The following YTHDC1 variants were observed in gnomAD, a reference collection of about 807,000 sequenced individuals.
The protein encoded by YTHDC1 is YTH N6-methyladenosine RNA binding protein C1.
Under a neutral mutation model 107.0 loss-of-function variants are expected in YTHDC1, and 12 were observed. The ratio of observed to expected loss-of-function variants is 0.11; its 90% confidence interval spans 0.07 to 0.18. YTHDC1 has a LOEUF of 0.18. Among genes scored for constraint, YTHDC1 ranks in the 10% least tolerant of loss-of-function variants. The pLI, the probability that YTHDC1 is intolerant of heterozygous loss-of-function variation, is 1.00. For synonymous variants in YTHDC1, 280 were observed against 289.5 expected, an observed-to-expected ratio of 0.97 and a Z score of 0.33; for missense variants, 635 against 898.8, an observed-to-expected ratio of 0.71 and a Z score of 3.75.
intron 11 of YTHDC1, among the ~76,000 whole-genome samples, chr4:68,320,529 A>G (rs1578024251): frequency 6.6e-6 from 1 of 151,038 alleles, no homozygotes; most frequent in Middle Eastern, 3.4e-3. Context: ...CTCAAACTAA[A>G]TATCAGTTTT....
In YTHDC1 at chr4:68,311,007, T is replaced by G. The variant is rs542283786; in HGVS notation, c.*3092A>C. On this transcript the variant is annotated 3_prime_UTR_variant, in exon 17 of 17. Coordinates refer to ENST00000344157, the MANE Select transcript of YTHDC1 (RefSeq NM_001031732.4). ...AGATCCTGATTTAATGGACATCTGC[T>G]AAATTTCCTCTGTCCATGTCTTTTG... 1 of 152,300 alleles carries G rather than the reference T, an allele frequency of 6.6e-6. No individual in the cohort carries two copies. Among genetic ancestry groups the G allele is most frequent in the East Asian group, 1.9e-4 (1 of 5,182 alleles). 9.4% of individuals were successfully genotyped at this position (152,300 alleles called of 1,614,324 possible).
At chr4:68,339,916 C>T (rs1724630955) in intron 1 of YTHDC1, among the ~76,000 whole-genome samples, 1 of 152,044 alleles carries the variant, frequency 6.6e-6, no homozygotes, top group Admixed American at 6.5e-5. Flanking sequence ...ACAAGATAAA[C>T]CTTAGAAATA....
In YTHDC1 at chr4:68,316,338, T is replaced by C; in HGVS notation, c.1935A>G (p.Glu645=). 6.2e-7 allele frequency: 1 copy of C among 1,613,548 alleles called. No homozygotes were observed. The highest frequency in any genetic ancestry group is 1.7e-5 in the Admixed American group (1 of 59,950). Residue 645 remains glutamate, a synonymous_variant, in exon 16 of 17, where the codon GAA becomes GAG. Transcript: ENST00000344157. ...PYSGHHPVPH[E]ARYRDKRVHD... ...CTACTCGTTTATCTCTGTATCTTGC[T>C]TCATGTGGTACTGGATGATGTCCTG...
intron 1 of YTHDC1, among the ~76,000 whole-genome samples, chr4:68,342,825 G>A (rs1030186343): frequency 2.0e-5 from 3 of 151,892 alleles, no homozygotes; most frequent in African/African-American, 4.8e-5. Flanking sequence ...ATCATCACTG[G>A]CATATCCTTT....
intron 1 of YTHDC1, among the ~76,000 whole-genome samples, chr4:68,348,097 AC>A (rs1252460361): frequency 1.8e-4 from 27 of 152,350 alleles, no homozygotes; most frequent in African/African-American, 6.5e-4. Context: ...AGTAATAGCT[AC>A]ACAGTTTATG....
chr4:68,314,076 C>T lies in YTHDC1; in HGVS notation c.*23G>A. On this transcript the variant is annotated 3_prime_UTR_variant, in exon 17 of 17. Transcript: ENST00000344157. ...ATACAAGATTTTTTGTATCTTTAAA[C>T]AATCAGTGCTTCCAAAAGCCCATTA... 1 of 1,601,640 alleles carries T rather than the reference C, an allele frequency of 6.2e-7. No homozygotes were observed. Among genetic ancestry groups the T allele is most frequent in the African/African-American group, 1.3e-5 (1 of 74,424 alleles).
chr4:68,331,663 T>A (rs116786722), intron 7 of YTHDC1, among the ~76,000 whole-genome samples: 5,120 of 152,166 alleles, frequency 0.034, 93 homozygotes, highest in Middle Eastern at 0.065. Flanking sequence ...TAAATCCCAA[T>A]GATCTTAATT....
intron 10 of YTHDC1, 83 bp downstream of exon 10, chr4:68,324,056 C>CGTTT (rs1722718512): frequency 8.0e-7 from 1 of 1,244,884 alleles, no homozygotes; most frequent in African/African-American, 1.5e-5. Context: ...TCATCAGAAA[C>CGTTT]GGTTAAAACG....
intron 6 of YTHDC1, 114 bp downstream of exon 6, chr4:68,332,680 C>T (rs541156329): frequency 5.7e-6 from 5 of 884,516 alleles, no homozygotes; most frequent in Middle Eastern, 3.1e-4. Flanking sequence ...TTTTTTGCTT[C>T]ATGTAATATA....
chr4:68,319,528 T>C (rs921615670), intron 12 of YTHDC1, among the ~76,000 whole-genome samples: 2 of 152,188 alleles, frequency 1.3e-5, no homozygotes, highest in East Asian at 3.8e-4. Context: ...TGTTACATAA[T>C]AGTGCTATAA....
chr4:68,340,398 C>CT lies in YTHDC1; in HGVS notation c.29-2015dup, dbSNP rs535379446. On this transcript the variant is annotated intron_variant, in intron 1 of 16. Coordinates refer to ENST00000344157, the MANE Select transcript of YTHDC1 (RefSeq NM_001031732.4). The stretch of plus-strand genomic sequence containing the variant: ...ATCATTTTTCTAAAATGAAAACAGG[C>CT]TATATGGGTTTTTATTTTTGTTTAC... 5.7e-3 allele frequency among the ~76,000 whole-genome samples: 866 copies of CT among 151,996 alleles called. 1 individual carries two copies. The highest frequency in any genetic ancestry group is 8.2e-3 in the Non-Finnish European group (560 of 67,904).
chr4:68,348,474 C>CAAAAAAAA (rs34746525), intron 1 of YTHDC1, among the ~76,000 whole-genome samples: 1 of 120,984 alleles, frequency 8.3e-6, no homozygotes, highest in African/African-American at 3.0e-5. Flanking sequence ...CTGGATTTCT[C>CAAAAAAAA]AAAAAAAAAA....
chr4:68,347,743 C>T (rs963108358), intron 1 of YTHDC1, among the ~76,000 whole-genome samples: 7 of 152,166 alleles, frequency 4.6e-5, no homozygotes, highest in African/African-American at 9.6e-5. Flanking sequence ...GACAATAAAG[C>T]GCTTAAGAGT....
intron 10 of YTHDC1, among the ~76,000 whole-genome samples, 198 bp from the exon 11 acceptor site, chr4:68,323,113 A>G (rs1217483135): frequency 2.6e-5 from 4 of 152,200 alleles, no homozygotes; most frequent in African/African-American, 7.2e-5. Flanking sequence ...GGTAAAAACT[A>G]AAAGTGTAGA....
At position 68,313,836 on chromosome 4, in the gene YTHDC1, T is replaced by C. The variant is rs897661288; in HGVS notation, c.*263A>G. 7 of 475,502 alleles carry C rather than the reference T, an allele frequency of 1.5e-5. No individual in the cohort carries two copies. The Admixed American group carries it at 1.5e-4, about 10-fold the overall frequency. The allele number at this position is 475,502 out of a possible 1,614,324, so 29.5% of individuals were successfully genotyped here. A position where few individuals can be genotyped will look rare whatever the true frequency, so the allele number is the denominator to read the frequency against. ...TATAAGAACATTTATGGAGAAAGAA[T>C]CAGTATCTACATTCTTGGACTGTTC... is the stretch of plus-strand genomic sequence containing the variant. On this transcript the variant is annotated 3_prime_UTR_variant, in exon 17 of 17. Transcript: ENST00000344157.
At chr4:68,341,796 C>T (rs962657084) in intron 1 of YTHDC1, among the ~76,000 whole-genome samples, 3 of 152,120 alleles carry the variant, frequency 2.0e-5, no homozygotes, top group African/African-American at 7.2e-5. Flanking sequence ...CAGGTTATAG[C>T]TTGCATTTAG....
Position 68,313,999 on chromosome 4 carries a change from A to G in YTHDC1, c.*100T>C, listed in dbSNP as rs967562642. On this transcript the variant is annotated 3_prime_UTR_variant, in exon 17 of 17. Coordinates refer to ENST00000344157, the MANE Select transcript of YTHDC1 (RefSeq NM_001031732.4). ...AATCCTTCTACACAATGAACTTCATAGGCAGACAGCTGAAAATAAATTTAC... is the reference window on the plus strand; with the variant it reads ...AATCCTTCTACACAATGAACTTCATGGGCAGACAGCTGAAAATAAATTTAC... The G allele has an allele frequency of 1.7e-6, 2 of 1,196,468 alleles. No individual in the cohort carries two copies. The highest frequency in any genetic ancestry group is 2.4e-6 in the Non-Finnish European group (2 of 833,148). The allele number at this position is 1,196,468 out of a possible 1,614,324, so 74.1% of individuals were successfully genotyped here.
chr4:68,340,168 A>T (rs1476125194), intron 1 of YTHDC1, among the ~76,000 whole-genome samples: 1 of 152,194 alleles, frequency 6.6e-6, no homozygotes, highest in African/African-American at 2.4e-5. Context: ...GTTAAATGGG[A>T]TTCAAATTTT....
intron 9 of YTHDC1, among the ~76,000 whole-genome samples, chr4:68,324,493 C>G (rs1722773197): frequency 6.6e-6 from 1 of 152,192 alleles, no homozygotes; most frequent in Admixed American, 6.5e-5. Context: ...GAGCCTGAAT[C>G]TATTTCTTTG....
Sources: gnomAD v4.1 joint callset for allele counts (sites outside exome capture counted in the v4.1 genomes callset) on GRCh38, gnomAD v4.1.1 for gene constraint, MANE v1.5 for transcripts, NCBI Gene and HGNC (gene_info 2026-07-23, HGNC 2026-07-21) for gene names.